The following PLEC variants were observed in gnomAD, a reference collection of about 807,000 sequenced individuals.
PLEC encodes the protein plectin.
A neutral mutation model predicts 392.8 loss-of-function variants in PLEC; 216 were observed. The ratio of observed to expected loss-of-function variants is 0.55; its 90% CI spans 0.49 to 0.62. The LOEUF (loss-of-function observed/expected upper bound fraction) is 0.62, where lower values mean the gene tolerates loss of function less well. PLEC is among the 20% of genes least tolerant of loss of function. PLEC has a pLI of 0.00. For missense variants in PLEC, 6,863 were observed against 6,563.4 expected, an observed-to-expected ratio of 1.05 and a Z score of -1.58; for synonymous variants, 3,621 against 2,980.6, an observed-to-expected ratio of 1.21 and a Z score of -7.00.
rs1554689410 is a variant in PLEC, at chr8:143,922,337, A to C, written c.7484T>G (p.Phe2495Cys). The C allele has an allele frequency of 2.5e-6, 4 of 1,606,278 alleles. No homozygotes were observed. Among genetic ancestry groups the C allele is most frequent in the Non-Finnish European group, 3.4e-6 (4 of 1,179,936 alleles). The change falls in exon 32 of 32, where the codon TTC becomes TGC. Residue 2495 changes from phenylalanine (F) to cysteine (C), a missense_variant. Phe to Cys is a radical substitution (Grantham distance 205). Coordinates refer to ENST00000345136, the MANE Select transcript of PLEC (RefSeq NM_201384.3). ...LQETQALQQS[F>C]LSEKDSLLQR... ...TAGCAGGCTGTCCTTTTCAGAGAGGAAGCTTTGCTGCAGGGCCTGCGTCTC... is the reference window on the plus strand; with the variant it reads ...TAGCAGGCTGTCCTTTTCAGAGAGGCAGCTTTGCTGCAGGGCCTGCGTCTC...
At chr8:143,940,821 C>T (rs1015849847), upstream of PLEC, among the ~76,000 whole-genome samples, 4 of 152,194 alleles carry the variant, frequency 2.6e-5, no homozygotes, top group African/African-American at 4.8e-5. Context: ...CCCCACTCCA[C>T]GCCAAGGGGC....
intron 3 of PLEC, 63 bp from the exon 4 acceptor site, chr8:143,937,305 T>C: frequency 7.8e-7 from 1 of 1,284,890 alleles, no homozygotes. Flanking sequence ...ACCCTCAGCA[T>C]GCCCCAAAGC....
chr8:143,931,885 C>T (rs1827370714), intron 18 of PLEC, 52 bp downstream of exon 18: 1 of 1,516,760 alleles, frequency 6.6e-7, no homozygotes, highest in South Asian at 1.2e-5. Context: ...GGTCCAGGGG[C>T]TCCTGCAAGG....
intron 1 of PLEC, among the ~76,000 whole-genome samples, chr8:143,962,337 C>G (rs1832906970): frequency 6.6e-6 from 1 of 152,224 alleles, no homozygotes. Flanking sequence ...TCCCGGGTGC[C>G]TTCGGAGAAA....
Position 143,939,574 on chromosome 8 carries a change from G to T in PLEC, c.-113C>A. On this transcript the variant is annotated 5_prime_UTR_variant, in exon 1 of 32. Coordinates refer to ENST00000345136, the MANE Select transcript of PLEC (RefSeq NM_201384.3). ...TGGCGGCCCCACGAGACGCTCACTC[G>T]GCACAGGCTCAGCTCAGAGCCCCAG... 1 of 1,524,760 alleles carries T rather than the reference G, an allele frequency of 6.6e-7. No individual in the cohort carries two copies. Among genetic ancestry groups the T allele is most frequent in the Non-Finnish European group, 8.8e-7 (1 of 1,138,978 alleles). 94.5% of individuals were successfully genotyped at this position (1,524,760 alleles called of 1,614,324 possible).
At position 143,950,736 on chromosome 8, in the gene PLEC, G is replaced by C. The variant is rs781859804; in HGVS notation, c.-30C>G. ...GCTGGAGCCGGGCAGTCAGTGCGGG[G>C]GCAAAGGCAGCAGGCAGGGTACCAC... is the stretch of plus-strand genomic sequence containing the variant. On this transcript the variant is annotated 5_prime_UTR_variant, in exon 1 of 32. Coordinates refer to the PLEC transcript ENST00000322810. 3.9e-6 allele frequency: 6 copies of C among 1,545,022 alleles called. No individual in the cohort carries two copies. In the East Asian group the frequency reaches 1.4e-4, roughly 37 times the overall value.
chr8:143,917,125 G>A lies in PLEC; in HGVS notation c.12696C>T (p.Phe4232=), dbSNP rs368964907. Residue 4232 remains phenylalanine, a synonymous_variant, in exon 32 of 32, where the codon TTC becomes TTT. Transcript: ENST00000345136. ...YRAGTLSITE[F]ADMLSGNAGG... ...CGGCGTTGCCCGAGAGCATGTCGGC[G>A]AACTCGGTGATGGAGAGCGTGCCGG... 2.5e-5 allele frequency: 40 copies of A among 1,604,434 alleles called. No individual in the cohort carries two copies. The highest frequency in any genetic ancestry group is 8.3e-5 in the Admixed American group (5 of 59,904).
chr8:143,935,920 C>A lies in PLEC; in HGVS notation c.530G>T (p.Gly177Val). Reference sequence around the variant, plus strand: ...GGAGGTGAAGTTGTCGCATCGCAGGCCCTGGTACCCCTCCACCATTCGCTG... The same window carrying A: ...GGAGGTGAAGTTGTCGCATCGCAGGACCTGGTACCCCTCCACCATTCGCTG... ...WSQRMVEGYQ[G>V]LRCDNFTSSW... The change falls in exon 6 of 32, where the codon GGC (glycine) becomes GTC (valine). Residue 177 changes from glycine (G) to valine (V), a missense_variant. Physicochemically the swap from Gly to Val is moderately radical, Grantham distance 109. Coordinates refer to ENST00000345136, the MANE Select transcript of PLEC (RefSeq NM_201384.3). 1 of 1,612,986 alleles carries A rather than the reference C, an allele frequency of 6.2e-7. No homozygotes were observed. Among genetic ancestry groups the A allele is most frequent in the Non-Finnish European group, 8.5e-7 (1 of 1,179,978 alleles).
chr8:143,929,776 C>T lies in PLEC; in HGVS notation c.2793G>A (p.Leu931=). The T allele has an allele frequency of 6.2e-7, 1 of 1,600,086 alleles. No homozygotes were observed. The highest frequency in any genetic ancestry group is 8.5e-7 in the Non-Finnish European group (1 of 1,178,946). Residue 931 remains leucine (L), a synonymous_variant, in exon 23 of 32, where the codon CTG becomes CTA. Coordinates refer to ENST00000345136, the MANE Select transcript of PLEC (RefSeq NM_201384.3). ...TGTCCCGCAGGAAGGCCTGGTAGTG[C>T]AGCTCCAGGCTGTGCAGGGCTTGGC... The part of the protein sequence containing the change: ...EQRQALHSLE[L]HYQAFLRDSQ...
Position 143,935,187 on chromosome 8 carries a change from C to G in PLEC, c.718+11G>C. 6.2e-7 allele frequency: 1 copy of G among 1,612,000 alleles called. No homozygotes were observed. Reference sequence around the variant, plus strand: ...GGGGAAGGGACAGGGAGGAAGGCCACGCAGACGTACCCTCAGGGTCCAGGA... The same window carrying G: ...GGGGAAGGGACAGGGAGGAAGGCCAGGCAGACGTACCCTCAGGGTCCAGGA... On this transcript the variant is annotated intron_variant, in intron 7 of 31. Coordinates refer to ENST00000345136, the MANE Select transcript of PLEC (RefSeq NM_201384.3).
intron 1 of PLEC, among the ~76,000 whole-genome samples, chr8:143,959,664 G>C (rs1406939568): frequency 6.6e-6 from 1 of 152,256 alleles, no homozygotes; most frequent in Non-Finnish European, 1.5e-5. Context: ...GAGGGACGAC[G>C]ACTGCAGTAC....
At chr8:143,968,962 G>A (rs1402203091) in intron 1 of PLEC, among the ~76,000 whole-genome samples, 6 of 152,102 alleles carry the variant, frequency 3.9e-5, no homozygotes, top group African/African-American at 7.2e-5. Flanking sequence ...CTTCAAAATG[G>A]TTAAATATAG....
rs549631980 is a variant in PLEC at position 143,949,534 on chromosome 8, G to C, written c.523+650C>G. ...TCCTGTGCGACCTGGTTCGTACCGGGAAAGGCCTATCTAGGCCCCAGGCTG... is the reference window on the plus strand; with the variant it reads ...TCCTGTGCGACCTGGTTCGTACCGGCAAAGGCCTATCTAGGCCCCAGGCTG... On this transcript the variant is annotated intron_variant, in intron 1 of 31. Coordinates refer to the PLEC transcript ENST00000322810. Among the ~76,000 whole-genome samples, 474 of 152,266 alleles carry C rather than the reference G, an allele frequency of 3.1e-3. 6 individuals are homozygous for C. Among genetic ancestry groups the C allele is most frequent in the Admixed American group, 8.0e-3 (123 of 15,298 alleles).
rs1826497514 is a variant in PLEC, at chr8:143,929,626, C to T, written c.2923+20G>A. 2.5e-6 allele frequency: 4 copies of T among 1,608,412 alleles called. No individual in the cohort carries two copies. The highest frequency in any genetic ancestry group is 1.3e-5 in the African/African-American group (1 of 75,048). On this transcript the variant is annotated intron_variant, in intron 23 of 31. Transcript: ENST00000345136. ...CCCACCTCGCACCAGCCCAACCGCC[C>T]CAGCCCTGCCGTGCCCTACCCTGTT...
chr8:143,923,334 C>T lies in PLEC; in HGVS notation c.6595G>A (p.Asp2199Asn), dbSNP rs782456298. The T allele has an allele frequency of 2.3e-5, 37 of 1,609,782 alleles. No homozygotes were observed. The highest frequency in any genetic ancestry group is 2.9e-5 in the Non-Finnish European group (34 of 1,179,424). The change falls in exon 31 of 32, where the codon GAC becomes AAC. Residue 2199 changes from aspartate to asparagine, a missense_variant. Transcript: ENST00000345136. ...TCGTCCAGCAGGTTCTTCTGGTGGT[C>T]GGTCTCCTCCAGCTGCAGCCGCAGT... ...TTLRLQLEETDHQKNLLDEEL... is the reference protein window; with the variant it reads ...TTLRLQLEETNHQKNLLDEEL...
upstream of PLEC, among the ~76,000 whole-genome samples, chr8:143,958,122 C>A (rs978737431): frequency 1.1e-4 from 17 of 152,252 alleles, no homozygotes; most frequent in South Asian, 3.5e-3. This position sits in a 1 kb window ranked among gnomAD's most constrained non-coding sequence, Gnocchi z 4.9. Flanking sequence ...TGCCTCGCAG[C>A]CTTGGCCCAA....
At position 143,930,182 on chromosome 8, in the gene PLEC, C is replaced by T. The variant is rs782612632; in HGVS notation, c.2574G>A (p.Val858=). Residue 858 remains valine, a synonymous_variant, in exon 21 of 32, where the codon GTG becomes GTA. Transcript: ENST00000345136. ...EAAVPSVCFL[V]PPPNQEAQEA... The stretch of plus-strand genomic sequence containing the variant: ...CCTGGGCCTCCTGGTTGGGCGGGGG[C>T]ACCAGGAAGCACACGGAGGGCACGG... 11 of 1,580,472 alleles carry T rather than the reference C, an allele frequency of 7.0e-6. No homozygotes were observed. In the South Asian group the frequency reaches 1.0e-4, roughly 15 times the overall value.
At chr8:143,932,066 C>T (rs1362582351) in intron 17 of PLEC, 34 bp from the exon 18 acceptor site, 15 of 1,557,830 alleles carry the variant, frequency 9.6e-6, no homozygotes, top group Middle Eastern at 2.3e-4. Flanking sequence ...AGGCCCCGCC[C>T]CGCCCCGCCT....
chr8:143,931,517 C>A lies in PLEC; in HGVS notation c.2304+17G>T. 1 of 1,558,604 alleles carries A rather than the reference C, an allele frequency of 6.4e-7. No individual in the cohort carries two copies. Among genetic ancestry groups the A allele is most frequent in the Non-Finnish European group, 8.7e-7 (1 of 1,151,192 alleles). ...GCCAGCCCCTCCTGACACGCCCCTGCACACCCCCTCCCTCACCTGGGCATC... is the reference window on the plus strand; with the variant it reads ...GCCAGCCCCTCCTGACACGCCCCTGAACACCCCCTCCCTCACCTGGGCATC... On this transcript the variant is annotated intron_variant, in intron 19 of 31. Transcript: ENST00000345136.
Sources: gnomAD v4.1 joint callset for allele counts (sites outside exome capture counted in the v4.1 genomes callset) on GRCh38, gnomAD v4.1.1 for gene constraint, Gnocchi (gnomAD v3.1) non-coding constraint, MANE v1.5 for transcripts, NCBI Gene and HGNC (gene_info 2026-07-23, HGNC 2026-07-21) for gene names.